Variants in BCL11A observed in about 807,000 individuals in gnomAD.
BCL11A encodes the protein B cell CLL/lymphoma 11A.
In BCL11A, 2 loss-of-function variants were observed where a neutral mutation model predicts 55.9. The observed-to-expected ratio is 0.04, with a 90% CI of 0.01 to 0.11. BCL11A has a LOEUF of 0.11. BCL11A is among the 10% of genes least tolerant of loss of function. The pLI is 1.00. For missense variants in BCL11A, 817 were observed against 1,137.1 expected (o/e 0.72, Z 4.05); for synonymous variants, 465 against 473.4 (o/e 0.98, Z 0.23).
intron 2 of BCL11A, among the ~76,000 whole-genome samples, chr2:60,484,902 T>C (rs1367895361): frequency 6.6e-6 from 1 of 150,598 alleles, no homozygotes; most frequent in Non-Finnish European, 1.5e-5. Flanking sequence ...TAAACTTGTG[T>C]GCTCCAAATT....
chr2:60,468,049 AC>A (rs2103974156), intron 3 of BCL11A, among the ~76,000 whole-genome samples: 1 of 76,964 alleles, frequency 1.3e-5, no homozygotes, highest in Non-Finnish European at 2.6e-5. Context: ...TGGTGATGGT[AC>A]TGGTGGTGAT....
chr2:60,521,075 AC>A (rs1668960544), intron 2 of BCL11A, among the ~76,000 whole-genome samples: 1 of 78,642 alleles, frequency 1.3e-5, no homozygotes, highest in African/African-American at 4.0e-5. Context: ...CAGCACACAC[AC>A]ACACACACAC....
intron 2 of BCL11A, among the ~76,000 whole-genome samples, chr2:60,472,058 C>T (rs1275579754): frequency 6.6e-6 from 1 of 152,202 alleles, no homozygotes; most frequent in Non-Finnish European, 1.5e-5. Context: ...GGACCCACCT[C>T]CTTTAGGACT....
chr2:60,473,128 ATG>A lies in BCL11A; in HGVS notation c.386-4297_386-4296del, dbSNP rs891664168. Among the ~76,000 whole-genome samples the A allele has an allele frequency of 1.7e-3, 251 of 151,732 alleles. 3 individuals are homozygous for A. The highest frequency in any genetic ancestry group is 3.4e-3 in the Middle Eastern group (1 of 290). On this transcript the variant is annotated intron_variant, in intron 2 of 3. Coordinates refer to ENST00000642384, the MANE Select transcript of BCL11A (RefSeq NM_022893.4). ...TGCATGTGTTAGCATGTGCATGCAC[ATG>A]TGTGTTAGCGTGTTCATGTGTGTGT...
rs760569427 is a variant in BCL11A, at chr2:60,553,342, G to T, written c.-72C>A. ...CGGACGACGGCTCGGTTCACATCGGGAGAGCCGGGTTAGAAAGAAGGAGAC... is the reference window on the plus strand; with the variant it reads ...CGGACGACGGCTCGGTTCACATCGGTAGAGCCGGGTTAGAAAGAAGGAGAC... On this transcript the variant is annotated 5_prime_UTR_variant, in exon 1 of 4. Transcript: ENST00000642384. 1.2e-5 allele frequency: 17 copies of T among 1,472,440 alleles called. No individual in the cohort carries two copies. The Admixed American group carries it at 1.5e-4, about 13-fold the overall frequency. 91.2% of individuals were successfully genotyped at this position (1,472,440 alleles called of 1,614,324 possible). A position where few individuals can be genotyped will look rare whatever the true frequency, so the allele number is the denominator to read the frequency against.
At chr2:60,516,626 G>C (rs1372084286) in intron 2 of BCL11A, among the ~76,000 whole-genome samples, 1 of 152,212 alleles carries the variant, frequency 6.6e-6, no homozygotes, top group Admixed American at 6.5e-5. Context: ...AGGACAGAGA[G>C]GGGCACCTGG....
At chr2:60,501,019 A>C (rs1368672501) in intron 2 of BCL11A, among the ~76,000 whole-genome samples, 1 of 152,176 alleles carries the variant, frequency 6.6e-6, no homozygotes, top group Non-Finnish European at 1.5e-5. Context: ...GAGAACCCTG[A>C]ACTGCTCAGC....
At chr2:60,507,457 T>C (rs981680372) in intron 2 of BCL11A, among the ~76,000 whole-genome samples, 8 of 151,962 alleles carry the variant, frequency 5.3e-5, no homozygotes, top group Non-Finnish European at 1.2e-4. Flanking sequence ...TATTGTGCTC[T>C]TGTTGACTTG....
intron 2 of BCL11A, among the ~76,000 whole-genome samples, chr2:60,524,199 C>G (rs1669111226): frequency 6.6e-6 from 1 of 152,174 alleles, no homozygotes; most frequent in Non-Finnish European, 1.5e-5. Context: ...GCGGCAGCTT[C>G]CTATCATGCA....
intron 2 of BCL11A, among the ~76,000 whole-genome samples, chr2:60,540,419 C>T (rs1240027866): frequency 6.6e-6 from 1 of 152,148 alleles, no homozygotes; most frequent in East Asian, 1.9e-4. Context: ...AATTAACATC[C>T]AGTGACGCAA....
chr2:60,455,684 G>C (rs976966320), downstream of BCL11A, among the ~76,000 whole-genome samples: 1 of 152,150 alleles, frequency 6.6e-6, no homozygotes. Context: ...ATTACGCTAA[G>C]AGCAGCATAT....
chr2:60,486,219 T>C (rs1451069506), intron 2 of BCL11A, among the ~76,000 whole-genome samples: 3 of 152,176 alleles, frequency 2.0e-5, no homozygotes, highest in African/African-American at 7.2e-5. Flanking sequence ...GTTCTGTGGG[T>C]GGACCATGGC....
rs148699996 is a variant in BCL11A at position 60,460,977 on chromosome 2, G to A, written c.1935C>T (p.Pro645=). 6.2e-7 allele frequency: 1 copy of A among 1,610,018 alleles called. No homozygotes were observed. Among genetic ancestry groups the A allele is most frequent in the African/African-American group, 1.3e-5 (1 of 75,010 alleles). ...RIKLEKEFDL[P]PAAMPNTENV... ...TCTCCGTGTTGGGCATCGCGGCCGG[G>A]GGCAGGTCGAACTCCTTCTCGAGCT... is the stretch of plus-strand genomic sequence containing the variant. Residue 645 remains proline (P), a synonymous_variant, in exon 4 of 4, where the codon CCC becomes CCT. Coordinates refer to ENST00000642384, the MANE Select transcript of BCL11A (RefSeq NM_022893.4).
At chr2:60,534,300 T>G (rs1669579298) in intron 2 of BCL11A, 1 of 152,256 alleles carries the variant, frequency 6.6e-6, no homozygotes, top group Non-Finnish European at 1.5e-5. Context: ...TTACTTGATC[T>G]AAAAGATAAA....
chr2:60,492,892 T>C (rs1222940014), intron 2 of BCL11A, among the ~76,000 whole-genome samples: 1 of 152,154 alleles, frequency 6.6e-6, no homozygotes, highest in Non-Finnish European at 1.5e-5. Context: ...AATTTGCCAG[T>C]TGTATACAGC....
chr2:60,553,308 G>A lies in BCL11A; in HGVS notation c.-38C>T. 1 of 1,525,568 alleles carries A rather than the reference G, an allele frequency of 6.6e-7. No individual in the cohort carries two copies. The highest frequency in any genetic ancestry group is 1.2e-5 in the South Asian group (1 of 81,270). 94.5% of individuals were successfully genotyped at this position (1,525,568 alleles called of 1,614,324 possible). On this transcript the variant is annotated 5_prime_UTR_variant, in exon 1 of 4. Coordinates refer to ENST00000642384, the MANE Select transcript of BCL11A (RefSeq NM_022893.4). ...GGCGGGCGGCGGCGGCGGCGGCGGCGGCGGCGGGCGGACGACGGCTCGGTT... is the reference window on the plus strand; with the variant it reads ...GGCGGGCGGCGGCGGCGGCGGCGGCAGCGGCGGGCGGACGACGGCTCGGTT...
intron 1 of BCL11A, among the ~76,000 whole-genome samples, chr2:60,550,345 A>T (rs577176977): frequency 6.6e-6 from 1 of 152,302 alleles, no homozygotes; most frequent in East Asian, 1.9e-4. Context: ...AATGAAGAAC[A>T]AAGACATACG....
intron 2 of BCL11A, among the ~76,000 whole-genome samples, chr2:60,500,306 G>C (rs1281226725): frequency 6.6e-6 from 1 of 152,224 alleles, no homozygotes; most frequent in East Asian, 1.9e-4. Context: ...GGCAGGTAGG[G>C]ATAGGGCAGG....
chr2:60,531,161 GAA>G (rs534951911), intron 2 of BCL11A, among the ~76,000 whole-genome samples: 1 of 137,192 alleles, frequency 7.3e-6, no homozygotes, highest in Non-Finnish European at 1.6e-5. Context: ...AGAAATTAGA[GAA>G]AAAAAAAAAA....
Sources: allele counts gnomAD v4.1 joint callset (sites outside exome capture counted in the v4.1 genomes callset), GRCh38; gene constraint gnomAD v4.1.1; transcripts MANE v1.5; gene names NCBI Gene and HGNC (gene_info 2026-07-23, HGNC 2026-07-21).